The following PTPRD variants were observed in gnomAD, a reference collection of about 807,000 sequenced individuals.
The protein encoded by PTPRD is receptor-type tyrosine-protein phosphatase delta.
A neutral mutation model predicts 214.5 loss-of-function variants in PTPRD; 34 were observed. The ratio of observed to expected loss-of-function variants is 0.16; its 90% confidence interval spans 0.12 to 0.21. The LOEUF (loss-of-function observed/expected upper bound fraction) is 0.21, where lower values mean the gene tolerates loss of function less well. PTPRD is among the 10% of genes least tolerant of loss of function. The pLI is 1.00. For synonymous variants in PTPRD, 1,128 were observed against 845.7 expected (o/e 1.33, Z -5.79); for missense variants, 2,545 against 2,398.7 (o/e 1.06, Z -1.27).
intron 8 of PTPRD, among the ~76,000 whole-genome samples, chr9:9,546,759 A>G (rs1370973749): frequency 6.6e-6 from 1 of 151,838 alleles, no homozygotes; most frequent in Admixed American, 6.6e-5. Flanking sequence ...TGTGCTTTAT[A>G]TGCATTATGT....
chr9:9,532,445 C>T (rs1291857846), intron 8 of PTPRD, among the ~76,000 whole-genome samples: 1 of 152,124 alleles, frequency 6.6e-6, no homozygotes, highest in Non-Finnish European at 1.5e-5. Context: ...TGGAACTGGA[C>T]TTTCTGCAGG....
At chr9:10,188,162 T>G (rs1027086285) in intron 3 of PTPRD, among the ~76,000 whole-genome samples, 1 of 152,216 alleles carries the variant, frequency 6.6e-6, no homozygotes, top group African/African-American at 2.4e-5. Flanking sequence ...TGAGTAATGC[T>G]ATTCACCCTT....
intron 7 of PTPRD, among the ~76,000 whole-genome samples, chr9:9,668,896 A>T (rs1389633435): frequency 1.3e-5 from 2 of 152,146 alleles, no homozygotes; most frequent in African/African-American, 4.8e-5. Context: ...CCTATTGACC[A>T]ATCCTGAACT....
intron 2 of PTPRD, among the ~76,000 whole-genome samples, chr9:10,408,640 A>C (rs138333488): frequency 1.3e-5 from 2 of 151,784 alleles, no homozygotes; most frequent in Non-Finnish European, 2.9e-5. Flanking sequence ...CCTCTTACAG[A>C]GTATAGGTCC....
Position 8,819,942 on chromosome 9 carries a change from G to C in PTPRD, c.-103-85996C>G, listed in dbSNP as rs180943918. Among the ~76,000 whole-genome samples the C allele has an allele frequency of 3.3e-3, 506 of 152,132 alleles. 5 individuals are homozygous for C. Among genetic ancestry groups the C allele is most frequent in the African/African-American group, 0.011 (475 of 41,520 alleles). On this transcript the variant is annotated intron_variant, in intron 11 of 45. Coordinates refer to ENST00000381196, the MANE Select transcript of PTPRD (RefSeq NM_002839.4). ...AGGAAGCTAAGTATTATAAAAGTATGACATCCCCTGACAATTGAGTTGAGT... is the reference window on the plus strand; with the variant it reads ...AGGAAGCTAAGTATTATAAAAGTATCACATCCCCTGACAATTGAGTTGAGT...
intron 7 of PTPRD, among the ~76,000 whole-genome samples, chr9:9,697,819 T>G (rs2097409723): frequency 6.6e-6 from 1 of 152,176 alleles, no homozygotes; most frequent in Non-Finnish European, 1.5e-5. Context: ...TTGAGATAAT[T>G]TTACATATCT....
chr9:9,175,507 C>T (rs1160155466), intron 10 of PTPRD, among the ~76,000 whole-genome samples: 2 of 151,172 alleles, frequency 1.3e-5, no homozygotes, highest in African/African-American at 2.4e-5. Context: ...CCTGTAATCC[C>T]AGCTACTCAG....
intron 14 of PTPRD, among the ~76,000 whole-genome samples, chr9:8,572,490 T>G (rs2091421317): frequency 6.6e-6 from 1 of 151,938 alleles, no homozygotes; most frequent in African/African-American, 2.4e-5. Flanking sequence ...AAAAAAGCAA[T>G]TATGAGGAAT....
chr9:8,589,930 A>G (rs1272033906), intron 14 of PTPRD, among the ~76,000 whole-genome samples: 1 of 152,162 alleles, frequency 6.6e-6, no homozygotes, highest in Admixed American at 6.5e-5. Flanking sequence ...TTTCTGGAAG[A>G]AAATTATGCT....
chr9:9,296,703 G>T (rs1211110681), intron 9 of PTPRD, among the ~76,000 whole-genome samples: 3 of 151,718 alleles, frequency 2.0e-5, no homozygotes, highest in Admixed American at 2.0e-4. Flanking sequence ...CTTTTCAAAT[G>T]TGGCTCTGAT....
At chr9:9,711,928 G>A (rs1421972153) in intron 7 of PTPRD, among the ~76,000 whole-genome samples, 4 of 152,074 alleles carry the variant, frequency 2.6e-5, no homozygotes, top group Non-Finnish European at 4.4e-5. Flanking sequence ...TTGTTCACTG[G>A]GAAAATAAGC....
intron 9 of PTPRD, among the ~76,000 whole-genome samples, chr9:9,203,119 A>G (rs1038358258): frequency 6.6e-6 from 1 of 152,128 alleles, no homozygotes; most frequent in African/African-American, 2.4e-5. Flanking sequence ...TCAGTCAGCT[A>G]CTTGGGAGGC....
chr9:10,178,832 A>G (rs1037464612), intron 3 of PTPRD, among the ~76,000 whole-genome samples: 5 of 151,994 alleles, frequency 3.3e-5, no homozygotes, highest in African/African-American at 1.2e-4. Context: ...AGATGTTTTC[A>G]GACATTTACA....
chr9:10,459,313 G>T (rs1190466179), intron 2 of PTPRD, among the ~76,000 whole-genome samples: 1 of 152,118 alleles, frequency 6.6e-6, no homozygotes, highest in East Asian at 1.9e-4. Flanking sequence ...GGGCATTTGG[G>T]TTTGTTCTGA....
At chr9:10,091,752 T>C (rs1270203011) in intron 3 of PTPRD, among the ~76,000 whole-genome samples, 1 of 143,648 alleles carries the variant, frequency 7.0e-6, no homozygotes, top group Non-Finnish European at 1.5e-5. Context: ...CAAATCCATA[T>C]ATTCTTCATA....
At chr9:9,320,100 A>C (rs1965692142) in intron 9 of PTPRD, among the ~76,000 whole-genome samples, 1 of 152,338 alleles carries the variant, frequency 6.6e-6, no homozygotes, top group Non-Finnish European at 1.5e-5. Context: ...TATTTGAAAC[A>C]GAATAAAAAT....
intron 9 of PTPRD, among the ~76,000 whole-genome samples, chr9:9,288,888 G>C (rs969003474): frequency 6.6e-6 from 1 of 151,722 alleles, no homozygotes; most frequent in African/African-American, 2.4e-5. Flanking sequence ...TCCTCCTTTT[G>C]TTTGACACTT....
chr9:10,065,238 T>A (rs1404765316), intron 3 of PTPRD, among the ~76,000 whole-genome samples: 1 of 146,142 alleles, frequency 6.8e-6, no homozygotes, highest in East Asian at 2.1e-4. Context: ...TTCCAGTACA[T>A]GTATTTATTG....
intron 7 of PTPRD, among the ~76,000 whole-genome samples, chr9:9,678,429 T>C (rs1329379457): frequency 1.3e-5 from 2 of 152,064 alleles, no homozygotes; most frequent in South Asian, 2.1e-4. Flanking sequence ...TCTACAACCA[T>C]CTGATCTTTG....
Sources: allele counts gnomAD v4.1 joint callset (sites outside exome capture counted in the v4.1 genomes callset), GRCh38; gene constraint gnomAD v4.1.1; transcripts MANE v1.5; gene names NCBI Gene and HGNC (gene_info 2026-07-23, HGNC 2026-07-21).